Variants in HS6ST2 observed in about 807,000 individuals in gnomAD.
HS6ST2 encodes the protein heparan sulfate 6-O-sulfotransferase 2.
A neutral mutation model predicts 33.0 loss-of-function variants in HS6ST2; 17 were observed. The ratio of observed to expected loss-of-function variants is 0.52; its 90% CI spans 0.35 to 0.77. The LOEUF is 0.77. Among genes scored for constraint, HS6ST2 ranks in the 30% least tolerant of loss-of-function variants. The pLI, the probability that HS6ST2 is intolerant of heterozygous loss-of-function variation, is 0.01. For synonymous variants in HS6ST2, 248 were observed against 237.1 expected (o/e 1.05, Z -0.42); for missense variants, 519 against 551.7 (o/e 0.94, Z 0.59).
At chrX:132,724,137 A>AAAAAGAAAAGAAAAGAAAAG (rs200784395) in intron 2 of HS6ST2, among the ~76,000 whole-genome samples, 1 of 104,031 alleles carries the variant, frequency 9.6e-6, no homozygotes, top group African/African-American at 3.6e-5. Flanking sequence ...ACTCCATTTC[A>AAAAAGAAAAGAAAAGAAAAG]AAAAGAAAAG....
intron 2 of HS6ST2, among the ~76,000 whole-genome samples, chrX:132,857,533 T>C (rs1434904945): frequency 4.5e-5 from 5 of 111,323 alleles, no homozygotes; most frequent in African/African-American, 9.8e-5. Context: ...CCTTGTTATT[T>C]TCCTTACAGT....
At chrX:132,799,555 AT>A (rs1248313310) in intron 2 of HS6ST2, among the ~76,000 whole-genome samples, 3 of 108,739 alleles carry the variant, frequency 2.8e-5, no homozygotes, top group Non-Finnish European at 3.8e-5. Flanking sequence ...TGTTTTTTGC[AT>A]TTTTTGGTAG....
intron 2 of HS6ST2, among the ~76,000 whole-genome samples, chrX:132,772,353 T>C (rs972194761): frequency 9.0e-6 from 1 of 110,564 alleles, no homozygotes; most frequent in East Asian, 2.8e-4. Flanking sequence ...ACATCTGGTT[T>C]AGCAGATCCC....
At chrX:132,811,526 A>G (rs1000681636) in intron 2 of HS6ST2, among the ~76,000 whole-genome samples, 9 of 106,307 alleles carry the variant, frequency 8.5e-5, no homozygotes, top group Non-Finnish European at 1.2e-4. Flanking sequence ...GGCTCTATGA[A>G]TATGACTACT....
chrX:132,673,324 T>G (rs1380523024), intron 3 of HS6ST2, among the ~76,000 whole-genome samples: 1 of 112,529 alleles, frequency 8.9e-6, no homozygotes, highest in South Asian at 3.7e-4. Context: ...TGATTGAGTA[T>G]TAATGTCTTG....
In HS6ST2 at chrX:132,884,688, T is replaced by A. The variant is rs780610370; in HGVS notation, c.947+72120A>T. Reference sequence around the variant, plus strand: ...AAAATTGGCCAGATTTGGCAACCAATTAGATAAGAAGAATGATGGGAAGTG... The same window carrying A: ...AAAATTGGCCAGATTTGGCAACCAAATAGATAAGAAGAATGATGGGAAGTG... On this transcript the variant is annotated intron_variant, in intron 2 of 4. Transcript: ENST00000370833. Among the ~76,000 whole-genome samples, 7 of 111,338 alleles carry A rather than the reference T, an allele frequency of 6.3e-5. No individual in the cohort carries two copies. The South Asian group carries it at 2.7e-3, about 42-fold the overall frequency.
At chrX:132,754,995 C>T (rs865824511) in intron 2 of HS6ST2, among the ~76,000 whole-genome samples, 6 of 111,405 alleles carry the variant, frequency 5.4e-5, no homozygotes, top group South Asian at 3.8e-4. Context: ...TTCCGGCATG[C>T]GGCACCATGC....
chrX:132,787,180 T>TAAAA (rs1226812278), intron 2 of HS6ST2, among the ~76,000 whole-genome samples: 2 of 81,587 alleles, frequency 2.5e-5, no homozygotes, highest in African/African-American at 1.1e-4. Flanking sequence ...TATATATATA[T>TAAAA]ATATATACAT....
intron 2 of HS6ST2, among the ~76,000 whole-genome samples, chrX:132,813,797 T>C (rs2065371855): frequency 9.0e-6 from 1 of 110,609 alleles, no homozygotes. Context: ...CAATTGACTT[T>C]TTTGCCTCTG....
chrX:132,767,894 C>T (rs1287409913), intron 2 of HS6ST2, among the ~76,000 whole-genome samples: 1 of 111,438 alleles, frequency 9.0e-6, no homozygotes, highest in African/African-American at 3.3e-5. Flanking sequence ...AGCAGGAGGG[C>T]TGAGATTCAA....
intron 2 of HS6ST2, among the ~76,000 whole-genome samples, chrX:132,752,823 T>C (rs915731254): frequency 1.8e-5 from 2 of 112,341 alleles, no homozygotes; most frequent in Non-Finnish European, 3.8e-5. Context: ...CATTATGTCT[T>C]GATTGAACAC....
chrX:132,779,338 G>GT (rs1365822680), intron 2 of HS6ST2, among the ~76,000 whole-genome samples: 2 of 111,902 alleles, frequency 1.8e-5, no homozygotes, highest in Non-Finnish European at 3.8e-5. Context: ...CATCCTAGCA[G>GT]TTAAGCCCCA....
intron 2 of HS6ST2, among the ~76,000 whole-genome samples, chrX:132,952,318 C>T (rs2067023378): frequency 9.2e-6 from 1 of 108,519 alleles, no homozygotes; most frequent in Non-Finnish European, 1.9e-5. Context: ...GATGGTACCA[C>T]AGCTCTCAAA....
At chrX:132,940,153 C>T (rs1241246491) in intron 2 of HS6ST2, among the ~76,000 whole-genome samples, 1 of 111,733 alleles carries the variant, frequency 8.9e-6, no homozygotes, top group East Asian at 2.8e-4. Context: ...TATGATCAAC[C>T]GGTTTTGTAT....
chrX:132,958,990 G>A (rs775588694), upstream of HS6ST2: 1 of 154,523 alleles, frequency 6.5e-6, no homozygotes, highest in Non-Finnish European at 1.2e-5. Flanking sequence ...CAAACCCTGT[G>A]CCTGCAGGAG....
chrX:132,931,680 A>C (rs1393729885), intron 2 of HS6ST2, among the ~76,000 whole-genome samples: 1 of 111,911 alleles, frequency 8.9e-6, no homozygotes, highest in Non-Finnish European at 1.9e-5. Flanking sequence ...AGCTCTCCCC[A>C]AAGGAACTGA....
Position 132,628,485 on chromosome X carries a change from T to C in HS6ST2, c.1676A>G (p.Lys559Arg). ...EARRKRQEQRKFLKGRLLQTH... is the reference protein window; with the variant it reads ...EARRKRQEQRRFLKGRLLQTH... ...CTGAAGGAGCCTTCCCTTCAGAAAT[T>C]TGCGTTGTTCCTGACGCTTTCGCCT... The change falls in exon 5 of 5, where the codon AAA (lysine) becomes AGA (arginine). Residue 559 changes from lysine (K) to arginine (R), a missense_variant. Coordinates refer to ENST00000370833, the MANE Select transcript of HS6ST2 (RefSeq NM_001394073.1). The C allele has an allele frequency of 8.3e-7, 1 of 1,211,259 alleles. No homozygotes were observed. The highest frequency in any genetic ancestry group is 1.1e-6 in the Non-Finnish European group (1 of 895,323).
chrX:132,675,241 G>A (rs760337515), intron 3 of HS6ST2, among the ~76,000 whole-genome samples: 83 of 110,394 alleles, frequency 7.5e-4, no homozygotes, highest in African/African-American at 2.3e-3. Context: ...GCAGATGTGC[G>A]GTCATTGCTC....
intron 2 of HS6ST2, among the ~76,000 whole-genome samples, chrX:132,760,831 G>C (rs2064798951): frequency 9.0e-6 from 1 of 110,516 alleles, no homozygotes; most frequent in African/African-American, 3.3e-5. Flanking sequence ...TTGCCTGAGG[G>C]AAAAAAAGGA....
Sources: gnomAD v4.1 joint callset for allele counts (sites outside exome capture counted in the v4.1 genomes callset) on GRCh38, gnomAD v4.1.1 for gene constraint, MANE v1.5 for transcripts, NCBI Gene and HGNC (gene_info 2026-07-23, HGNC 2026-07-21) for gene names.